SAMD4A: variants seen among roughly 807,000 people sequenced by gnomAD.
SAMD4A encodes sterile alpha motif domain containing 4A, also known as protein Smaug homolog 1.
A neutral mutation model predicts 81.3 loss-of-function variants in SAMD4A; 33 were observed. That is an observed-to-expected ratio of 0.41 (90% CI 0.31 to 0.54). The LOEUF (loss-of-function observed/expected upper bound fraction) is 0.54. Among genes scored for constraint, SAMD4A ranks in the 20% least tolerant of loss-of-function variants. The pLI is 0.37. For synonymous variants in SAMD4A, 389 were observed against 382.1 expected, an observed-to-expected ratio of 1.02 and a Z score of -0.21; for missense variants, 854 against 951.1, an observed-to-expected ratio of 0.90 and a Z score of 1.34.
intron 2 of SAMD4A, among the ~76,000 whole-genome samples, chr14:54,689,048 C>A (rs1233320670): frequency 6.6e-6 from 1 of 150,578 alleles, no homozygotes; most frequent in Non-Finnish European, 1.5e-5. Context: ...TCTTCTGCCT[C>A]AACTTCCCGA....
chr14:54,577,811 C>T (rs2033347931), intron 2 of SAMD4A, among the ~76,000 whole-genome samples: 1 of 152,132 alleles, frequency 6.6e-6, no homozygotes, highest in Non-Finnish European at 1.5e-5. Context: ...CCAGGGTGAA[C>T]TGAGAAGAAG....
chr14:54,699,310 C>A (rs2036654048), intron 2 of SAMD4A, among the ~76,000 whole-genome samples: 1 of 152,126 alleles, frequency 6.6e-6, no homozygotes, highest in Non-Finnish European at 1.5e-5. Context: ...GGAGGCTATA[C>A]CTAGTGGAAT....
At chr14:54,785,731 A>G (rs2039123793) in intron 12 of SAMD4A, among the ~76,000 whole-genome samples, 1 of 152,216 alleles carries the variant, frequency 6.6e-6, no homozygotes, top group Non-Finnish European at 1.5e-5. Context: ...GTCTCTGCAA[A>G]CACAATCTTA....
At chr14:54,749,940 C>T in intron 5 of SAMD4A, among the ~76,000 whole-genome samples, 2 of 152,328 alleles carry the variant, frequency 1.3e-5, no homozygotes, top group South Asian at 4.1e-4. Flanking sequence ...ACCCTGCAGG[C>T]CTGGCGGACT....
intron 3 of SAMD4A, among the ~76,000 whole-genome samples, chr14:54,710,718 A>T (rs1266664594): frequency 1.3e-5 from 2 of 150,844 alleles, no homozygotes; most frequent in African/African-American, 2.4e-5. Flanking sequence ...TGAAGCAGGG[A>T]GCAGTCTTTG....
At chr14:54,650,991 A>T (rs1048550031) in intron 2 of SAMD4A, among the ~76,000 whole-genome samples, 3 of 152,160 alleles carry the variant, frequency 2.0e-5, no homozygotes, top group Non-Finnish European at 4.4e-5. Context: ...AAAACTGAGC[A>T]CCTCACTTTC....
chr14:54,668,537 A>AT (rs1308790601), intron 2 of SAMD4A, among the ~76,000 whole-genome samples: 3 of 152,134 alleles, frequency 2.0e-5, no homozygotes, highest in Admixed American at 1.3e-4. Context: ...CAGACTGGTG[A>AT]TTTTTTCTAC....
chr14:54,654,026 G>T (rs1353150455), intron 2 of SAMD4A, among the ~76,000 whole-genome samples: 1 of 152,210 alleles, frequency 6.6e-6, no homozygotes, highest in Non-Finnish European at 1.5e-5. Context: ...ATTGCCAAAA[G>T]AAGACACAAA....
intron 2 of SAMD4A, among the ~76,000 whole-genome samples, chr14:54,656,884 G>A (rs1197005262): frequency 1.3e-5 from 2 of 152,172 alleles, no homozygotes; most frequent in African/African-American, 2.4e-5. Flanking sequence ...TGGGATTACA[G>A]GCGTGAGCCA....
At chr14:54,780,388 A>C (rs1351413085) in intron 11 of SAMD4A, among the ~76,000 whole-genome samples, 1 of 152,200 alleles carries the variant, frequency 6.6e-6, no homozygotes, top group Non-Finnish European at 1.5e-5. Flanking sequence ...CTGGGAGCAC[A>C]GGGCTCCAGG....
chr14:54,661,768 T>G (rs2035647510), intron 2 of SAMD4A, among the ~76,000 whole-genome samples: 1 of 152,200 alleles, frequency 6.6e-6, no homozygotes, highest in African/African-American at 2.4e-5. Context: ...TCCCCACTAC[T>G]GGAGAAACAC....
At chr14:54,680,434 A>G (rs1019084854) in intron 2 of SAMD4A, among the ~76,000 whole-genome samples, 8 of 152,318 alleles carry the variant, frequency 5.3e-5, no homozygotes, top group African/African-American at 1.9e-4. Context: ...GACTGTGAGT[A>G]GATGATGTTT....
chr14:54,760,113 A>G (rs752404837), intron 6 of SAMD4A, 48 bp from the exon 7 acceptor site: 1 of 1,576,464 alleles, frequency 6.3e-7, no homozygotes, highest in Non-Finnish European at 8.6e-7. Context: ...GGGGTGGATG[A>G]CCCTTATTCC....
At chr14:54,707,073 G>T (rs1439975521) in intron 3 of SAMD4A, among the ~76,000 whole-genome samples, 6 of 151,616 alleles carry the variant, frequency 4.0e-5, no homozygotes, top group Non-Finnish European at 8.8e-5. Context: ...GAATTATTAG[G>T]ATTGGGATTC....
At position 54,760,440 on chromosome 14, in the gene SAMD4A, G is replaced by A. The variant is rs534267377; in HGVS notation, c.1456G>A (p.Ala486Thr). ...CAGCTGCGATGGGGAGCTGGCCGTC[G>A]CCCCCCTGCCAGAGGGGGACCTCCC... Reference protein sequence around the residue: ...LSSCDGELAVAPLPEGDLPGQ... With the variant: ...LSSCDGELAVTPLPEGDLPGQ... The change falls in exon 7 of 13, where the codon GCC becomes ACC. Residue 486 changes from alanine (A) to threonine (T), a missense_variant. Transcript: ENST00000554335. 20 of 1,427,190 alleles carry A rather than the reference G, an allele frequency of 1.4e-5. No individual in the cohort carries two copies. The African/African-American group carries it at 1.8e-4, about 13-fold the overall frequency. The allele number at this position is 1,427,190 out of a possible 1,614,324, so 88.4% of individuals were successfully genotyped here.
In SAMD4A at chr14:54,626,051, T is replaced by TGC. The variant is rs1369113276; in HGVS notation, c.196+57940_196+57941insCG. On this transcript the variant is annotated intron_variant, in intron 2 of 12. Transcript: ENST00000554335. The stretch of plus-strand genomic sequence containing the variant: ...GTGTGTGTGTGTGTGTGTGTGTGTG[T>TGC]GTGTGTGTGCGCGCGCGCGCGCGCG... Among the ~76,000 whole-genome samples the TGC allele has an allele frequency of 3.2e-4, 42 of 129,614 alleles. No homozygotes were observed. In the East Asian group the frequency reaches 5.9e-3, roughly 18 times the overall value. 85.0% of individuals were successfully genotyped at this position (129,614 alleles called of 152,430 possible). A position where few individuals can be genotyped will look rare whatever the true frequency, so the allele number is the denominator to read the frequency against.
intron 4 of SAMD4A, among the ~76,000 whole-genome samples, chr14:54,744,684 CT>C (rs371118673): frequency 9.5e-4 from 144 of 152,274 alleles, no homozygotes; most frequent in African/African-American, 3.3e-3. Context: ...GCATTCTCTC[CT>C]TGCACTTCCC....
At chr14:54,649,381 A>G (rs1192787004) in intron 2 of SAMD4A, among the ~76,000 whole-genome samples, 2 of 152,216 alleles carry the variant, frequency 1.3e-5, no homozygotes, top group Non-Finnish European at 2.9e-5. Context: ...TTGACCCAGG[A>G]GAGAAACACG....
At chr14:54,666,761 T>C (rs1442180382) in intron 2 of SAMD4A, among the ~76,000 whole-genome samples, 1 of 152,116 alleles carries the variant, frequency 6.6e-6, no homozygotes. Flanking sequence ...TTTTGTGCAA[T>C]TGACAGGGAG....
Sources: gnomAD v4.1 joint callset for allele counts (sites outside exome capture counted in the v4.1 genomes callset) on GRCh38, gnomAD v4.1.1 for gene constraint, MANE v1.5 for transcripts, NCBI Gene and HGNC (gene_info 2026-07-23, HGNC 2026-07-21) for gene names.